TRPS1: variants seen among roughly 807,000 people sequenced by gnomAD.
TRPS1 encodes the protein transcriptional repressor GATA binding 1.
Under a neutral mutation model 101.2 loss-of-function variants are expected in TRPS1, and 6 were observed. The ratio of observed to expected loss-of-function variants is 0.06; its 90% confidence interval spans 0.03 to 0.12. TRPS1 has a LOEUF of 0.12. TRPS1 is among the 10% of genes least tolerant of loss of function. The probability of loss-of-function intolerance (pLI) is 1.00; values close to 1 mark genes in which losing one functional copy is unlikely to be tolerated. For missense variants in TRPS1, 1,363 were observed against 1,567.0 expected (o/e 0.87, Z 2.20); for synonymous variants, 578 against 589.8 (o/e 0.98, Z 0.29).
intron 5 of TRPS1, among the ~76,000 whole-genome samples, chr8:115,452,197 T>C (rs1813892096): frequency 6.6e-6 from 1 of 152,172 alleles, no homozygotes; most frequent in South Asian, 2.1e-4. Flanking sequence ...TGCATTTCAC[T>C]TGGCGGCTGG....
intron 4 of TRPS1, among the ~76,000 whole-genome samples, chr8:115,594,302 A>T (rs894551197): frequency 1.3e-5 from 2 of 152,094 alleles, no homozygotes; most frequent in Admixed American, 1.3e-4. Context: ...TCTTCATATT[A>T]TCTGAGAAAA....
chr8:115,604,059 G>A lies in TRPS1; in HGVS notation c.1910C>T (p.Pro637Leu), dbSNP rs13282485. 2 of 1,614,062 alleles carry A rather than the reference G, an allele frequency of 1.2e-6. No individual in the cohort carries two copies. The highest frequency in any genetic ancestry group is 1.7e-6 in the Non-Finnish European group (2 of 1,179,990). The change falls in exon 4 of 7, where the codon CCT becomes CTT. Residue 637 changes from proline to leucine, a missense_variant. By Grantham distance (98) the Pro-to-Leu change is moderately conservative. Around this residue, in one of 5 missense-constraint regions of TRPS1, gnomAD observed 1,020 missense variants for 1,073.0 expected, o/e 0.95. Transcript: ENST00000395715. The surrounding 1 kb of genome is among the most constrained non-coding windows in gnomAD (Gnocchi z 4.1). ...GTGAAAGAGGAGTACATCTACGTCA[G>A]GGGTGGTGAATGAACACTGATGGCA... The part of the protein sequence containing the change: ...HQCHQCSFTT[P>L]DVDVLLFHYE...
intron 4 of TRPS1, among the ~76,000 whole-genome samples, chr8:115,589,336 A>C (rs1047434316): frequency 6.6e-6 from 1 of 152,178 alleles, no homozygotes; most frequent in Non-Finnish European, 1.5e-5. Context: ...TTTATCAATA[A>C]CTTCATTCCT....
intron 5 of TRPS1, among the ~76,000 whole-genome samples, chr8:115,482,233 A>G (rs1382259096): frequency 6.6e-6 from 1 of 152,198 alleles, no homozygotes; most frequent in African/African-American, 2.4e-5. Context: ...ATCATTTCAA[A>G]TAAGAATTAA....
intron 3 of TRPS1, among the ~76,000 whole-genome samples, chr8:115,610,692 T>C (rs1818142585): frequency 6.6e-6 from 1 of 152,224 alleles, no homozygotes; most frequent in Non-Finnish European, 1.5e-5. Flanking sequence ...ATTTTTATTA[T>C]TGGCTTTTTG....
intron 1 of TRPS1, among the ~76,000 whole-genome samples, chr8:115,649,721 T>C (rs1811516182): frequency 1.3e-5 from 2 of 152,240 alleles, no homozygotes; most frequent in African/African-American, 4.8e-5. Flanking sequence ...AGCTCATTTC[T>C]ATGCAAACCG....
At chr8:115,610,449 A>G (rs1467587529) in intron 3 of TRPS1, among the ~76,000 whole-genome samples, 1 of 152,216 alleles carries the variant, frequency 6.6e-6, no homozygotes, top group Non-Finnish European at 1.5e-5. Flanking sequence ...TGGAGAATAA[A>G]TGTTTCAGAA....
At chr8:115,484,505 G>A (rs1814831045) in intron 5 of TRPS1, among the ~76,000 whole-genome samples, 1 of 152,124 alleles carries the variant, frequency 6.6e-6, no homozygotes, top group Admixed American at 6.6e-5. Flanking sequence ...AGGACACAAA[G>A]TCAGTTGTCC....
At chr8:115,549,168 T>C (rs1034629202) in intron 5 of TRPS1, among the ~76,000 whole-genome samples, 3 of 152,222 alleles carry the variant, frequency 2.0e-5, no homozygotes, top group Admixed American at 6.5e-5. Context: ...CTGTTCCTAC[T>C]GTATATCAAT....
intron 5 of TRPS1, among the ~76,000 whole-genome samples, chr8:115,422,536 C>T (rs800896): frequency 0.78 from 118,632 of 152,034 alleles, 46,353 homozygotes; most frequent in East Asian, 0.88. Context: ...CTGGCTAATT[C>T]TTGTATTTTT....
chr8:115,642,840 G>A (rs751338170), intron 1 of TRPS1, among the ~76,000 whole-genome samples: 11 of 95,596 alleles, frequency 1.2e-4, no homozygotes, highest in Admixed American at 4.1e-4. Context: ...TGCTTACTTC[G>A]TGAAAAAAAA....
intron 1 of TRPS1, among the ~76,000 whole-genome samples, chr8:115,644,291 T>C (rs1416130613): frequency 6.6e-6 from 1 of 152,230 alleles, no homozygotes; most frequent in African/African-American, 2.4e-5. Flanking sequence ...ATCACTGATC[T>C]TAACTAGATC....
intron 1 of TRPS1, among the ~76,000 whole-genome samples, chr8:115,630,693 T>C (rs1236425011): frequency 6.6e-6 from 1 of 152,022 alleles, no homozygotes; most frequent in Non-Finnish European, 1.5e-5. Flanking sequence ...ATTATCTCAT[T>C]TGATTTTAAT....
At chr8:115,544,976 G>A (rs1230206765) in intron 5 of TRPS1, among the ~76,000 whole-genome samples, 1 of 152,018 alleles carries the variant, frequency 6.6e-6, no homozygotes, top group South Asian at 2.1e-4. Context: ...TAAAAATGCA[G>A]GTATCTAAAA....
rs994382276 is a variant in TRPS1, at chr8:115,642,704, C to T, written c.-121-18946G>A. On this transcript the variant is annotated intron_variant, in intron 1 of 6. Coordinates refer to ENST00000395715, the MANE Select transcript of TRPS1 (RefSeq NM_014112.5). Reference sequence around the variant, plus strand: ...AATTTCTCCTAGAAAATATGAATGACTGTGTCAGTGTTTAAAAAAATGCTT... The same window carrying T: ...AATTTCTCCTAGAAAATATGAATGATTGTGTCAGTGTTTAAAAAAATGCTT... Among the ~76,000 whole-genome samples the T allele has an allele frequency of 5.1e-4, 77 of 151,836 alleles. 1 individual carries two copies. Among genetic ancestry groups the T allele is most frequent in the Non-Finnish European group, 8.5e-4 (58 of 67,936 alleles).
chr8:115,604,916 G>A lies in TRPS1; in HGVS notation c.1053C>T (p.Cys351=). The A allele has an allele frequency of 6.2e-7, 1 of 1,613,764 alleles. No homozygotes were observed. The part of the protein sequence containing the change: ...GNTKYFRCKF[C]NFTYMGNSST... ...ATGAGTTGCCCATATAAGTGAAATT[G>A]CAGAATTTACAGCGGAAATACTTGG... The change falls in exon 4 of 7, where the codon TGC becomes TGT. Residue 351 remains cysteine (C), a synonymous_variant. Coordinates refer to ENST00000395715, the MANE Select transcript of TRPS1 (RefSeq NM_014112.5). The surrounding 1 kb of genome is among the most constrained non-coding windows in gnomAD (Gnocchi z 4.1).
chr8:115,664,816 C>T (rs945707478), intron 1 of TRPS1, among the ~76,000 whole-genome samples: 2 of 152,130 alleles, frequency 1.3e-5, no homozygotes, highest in African/African-American at 4.8e-5. Context: ...CAGACTACCA[C>T]ACTAGCTGTC....
At chr8:115,559,758 G>A (rs900511429) in intron 5 of TRPS1, among the ~76,000 whole-genome samples, 2 of 152,062 alleles carry the variant, frequency 1.3e-5, no homozygotes, top group African/African-American at 4.8e-5. Context: ...TCAAATTCCT[G>A]TAAAATCTTA....
At chr8:115,432,385 T>G (rs1180639) in intron 5 of TRPS1, among the ~76,000 whole-genome samples, 151,945 of 151,946 alleles carry the variant, frequency 1, 75,972 homozygotes, top group Non-Finnish European at 1. Flanking sequence ...CAATTTATTT[T>G]ATCTATAATT....
Sources: gnomAD v4.1 joint callset for allele counts (sites outside exome capture counted in the v4.1 genomes callset) on GRCh38, gnomAD v4.1.1 for gene constraint, gnomAD v4.1.1 regional missense constraint, Gnocchi (gnomAD v3.1) non-coding constraint, MANE v1.5 for transcripts, NCBI Gene and HGNC (gene_info 2026-07-23, HGNC 2026-07-21) for gene names.